The following TENM2 variants were observed in gnomAD, a reference collection of about 807,000 sequenced individuals.
TENM2 encodes teneurin transmembrane protein 2.
A neutral mutation model predicts 245.2 loss-of-function variants in TENM2; 52 were observed. That is an observed-to-expected ratio of 0.21 (90% CI 0.17 to 0.27). TENM2 has a LOEUF of 0.27. Among genes scored for constraint, TENM2 ranks in the 10% least tolerant of loss-of-function variants. The pLI is 1.00. For missense variants in TENM2, 3,046 were observed against 3,666.8 expected (o/e 0.83, Z 4.37); for synonymous variants, 1,363 against 1,438.9 (o/e 0.95, Z 1.19).
the TENM2 span, among the ~76,000 whole-genome samples, chr5:167,064,960 A>C: frequency 1.3e-5 from 2 of 152,204 alleles, no homozygotes; most frequent in African/African-American, 4.8e-5. Context: ...TTTTAATACA[A>C]TAATTATGCT....
the TENM2 span, among the ~76,000 whole-genome samples, chr5:167,231,906 T>C: frequency 6.6e-6 from 1 of 152,142 alleles, no homozygotes; most frequent in African/African-American, 2.4e-5. Context: ...GCTTTCTGCA[T>C]TTTTGGGACT....
At chr5:168,156,910 G>A (rs538331530) in intron 12 of TENM2, among the ~76,000 whole-genome samples, 1 of 152,162 alleles carries the variant, frequency 6.6e-6, no homozygotes, top group Admixed American at 6.5e-5. Context: ...TAGCAGGAAC[G>A]CCTGGGGCAG....
intron 9 of TENM2, among the ~76,000 whole-genome samples, chr5:168,103,431 C>T (rs1793981027): frequency 6.6e-6 from 1 of 152,260 alleles, no homozygotes; most frequent in South Asian, 2.1e-4. Context: ...TCCCACATTG[C>T]ATTTAATCGT....
intron 1 of TENM2, among the ~76,000 whole-genome samples, chr5:167,339,556 T>C (rs954364380): frequency 6.6e-6 from 1 of 152,172 alleles, no homozygotes; most frequent in African/African-American, 2.4e-5. Flanking sequence ...ATTTTCCAGA[T>C]CTTCAAATTC....
chr5:167,231,266 C>T, the TENM2 span, among the ~76,000 whole-genome samples: 1 of 152,150 alleles, frequency 6.6e-6, no homozygotes, highest in South Asian at 2.1e-4. Context: ...CAGTAATAGG[C>T]AGAGGGTGGA....
At chr5:168,107,709 T>C (rs1053320560) in intron 9 of TENM2, among the ~76,000 whole-genome samples, 1 of 152,218 alleles carries the variant, frequency 6.6e-6, no homozygotes, top group African/African-American at 2.4e-5. Flanking sequence ...TTCCCAGTAG[T>C]CACCCCTCAT....
intron 2 of TENM2, among the ~76,000 whole-genome samples, chr5:167,703,903 GT>G (rs1234196924): frequency 6.6e-6 from 1 of 151,930 alleles, no homozygotes; most frequent in Admixed American, 6.6e-5. Flanking sequence ...AAAAGTTTGT[GT>G]TTGGTTTTTG....
chr5:167,664,361 C>G (rs1405590109), intron 2 of TENM2, among the ~76,000 whole-genome samples: 2 of 152,170 alleles, frequency 1.3e-5, no homozygotes, highest in East Asian at 3.8e-4. Context: ...AGTTGACTGT[C>G]AAAACTTTTT....
chr5:167,708,771 C>T (rs1482879670), intron 2 of TENM2, among the ~76,000 whole-genome samples: 1 of 152,154 alleles, frequency 6.6e-6, no homozygotes, highest in African/African-American at 2.4e-5. Context: ...TACAGTGCCA[C>T]AGAATTGGAG....
intron 2 of TENM2, among the ~76,000 whole-genome samples, chr5:167,763,243 A>G (rs73801388): frequency 2.0e-3 from 303 of 152,332 alleles, no homozygotes; most frequent in African/African-American, 6.8e-3. Context: ...ACCTTGGTTC[A>G]TATTCCATCC....
At chr5:167,974,037 A>AAGGG (rs749674919) in intron 4 of TENM2, among the ~76,000 whole-genome samples, 1 of 25,060 alleles carries the variant, frequency 4.0e-5, no homozygotes, top group Non-Finnish European at 5.5e-5. Context: ...GGAAGGAAGG[A>AAGGG]GAAGGAAGGA....
At chr5:167,637,401 A>C (rs1779272980) in intron 2 of TENM2, among the ~76,000 whole-genome samples, 1 of 152,218 alleles carries the variant, frequency 6.6e-6, no homozygotes, top group Non-Finnish European at 1.5e-5. Context: ...AGGCATGGAT[A>C]TATGATAATG....
At chr5:168,109,132 C>T (rs772768284) in intron 9 of TENM2, among the ~76,000 whole-genome samples, 6 of 152,166 alleles carry the variant, frequency 3.9e-5, no homozygotes, top group African/African-American at 9.7e-5. Context: ...TCCCTCAGCA[C>T]ACTGCAGCTG....
Position 167,878,791 on chromosome 5 carries a change from G to A in TENM2, c.712+2596G>A, listed in dbSNP as rs571156525. Among the ~76,000 whole-genome samples, 313 of 152,274 alleles carry A rather than the reference G, an allele frequency of 2.1e-3. 1 individual carries two copies. The highest frequency in any genetic ancestry group is 6.8e-3 in the Middle Eastern group (2 of 292). Reference sequence around the variant, plus strand: ...TGATAAAAGGGGCTGAATTTTTCAGGAGGTGTCACAGCACAAACAAAGTGG... The same window carrying A: ...TGATAAAAGGGGCTGAATTTTTCAGAAGGTGTCACAGCACAAACAAAGTGG... On this transcript the variant is annotated intron_variant, in intron 3 of 28. Coordinates refer to ENST00000518659, the Ensembl canonical transcript of TENM2.
intron 13 of TENM2, among the ~76,000 whole-genome samples, chr5:168,163,739 A>G (rs771892429): frequency 2.6e-5 from 4 of 152,210 alleles, no homozygotes; most frequent in Non-Finnish European, 5.9e-5. Flanking sequence ...TAAATTACAA[A>G]GTTTTCCAGT....
chr5:167,449,537 TAGATA>T (rs1765441720), intron 2 of TENM2, among the ~76,000 whole-genome samples: 1 of 150,950 alleles, frequency 6.6e-6, no homozygotes, highest in South Asian at 2.1e-4. Context: ...GATAGATAGA[TAGATA>T]GATAGATAGA....
At chr5:167,754,962 G>T in intron 2 of TENM2, 3 of 1,503,996 alleles carry the variant, frequency 2.0e-6, no homozygotes, top group South Asian at 1.3e-5. Flanking sequence ...GCTGGAGAAG[G>T]CCTCAGCTGT....
chr5:167,413,812 C>A (rs1763029570), intron 2 of TENM2, among the ~76,000 whole-genome samples: 1 of 152,096 alleles, frequency 6.6e-6, no homozygotes, highest in Admixed American at 6.6e-5. Context: ...AAATAAGAAT[C>A]ACATTGATCT....
chr5:168,191,824 G>C (rs376324642), intron 14 of TENM2, among the ~76,000 whole-genome samples: 1 of 152,018 alleles, frequency 6.6e-6, no homozygotes. Flanking sequence ...ACAGCCCAGC[G>C]AGGGTGGGAT....
Sources: gnomAD v4.1 joint callset for allele counts (sites outside exome capture counted in the v4.1 genomes callset) on GRCh38, gnomAD v4.1.1 for gene constraint, MANE v1.5 for transcripts, NCBI Gene and HGNC (gene_info 2026-07-23, HGNC 2026-07-21) for gene names.